Variants in GAS6 observed in about 807,000 individuals in gnomAD.
GAS6 encodes the protein growth arrest specific 6.
Under a neutral mutation model 75.8 loss-of-function variants are expected in GAS6, and 41 were observed. The ratio of observed to expected loss-of-function variants is 0.54; its 90% CI spans 0.42 to 0.70. The LOEUF (loss-of-function observed/expected upper bound fraction) is 0.70. GAS6 is among the 30% of genes least tolerant of loss of function. The pLI, the probability that GAS6 is intolerant of heterozygous loss-of-function variation, is 0.00. For synonymous variants in GAS6, 432 were observed against 412.6 expected, an observed-to-expected ratio of 1.05 and a Z score of -0.57; for missense variants, 854 against 940.2, an observed-to-expected ratio of 0.91 and a Z score of 1.20.
At chr13:113,850,437 G>A (rs991795656) in intron 2 of GAS6, among the ~76,000 whole-genome samples, 16 of 152,202 alleles carry the variant, frequency 1.1e-4, no homozygotes, top group African/African-American at 3.6e-4. Flanking sequence ...GGGGTTAGGT[G>A]AGGGCAACAG....
chr13:113,864,073 G>T lies in GAS6; in HGVS notation c.-153C>A. On this transcript the variant is annotated 5_prime_UTR_variant, in exon 1 of 15. Transcript: ENST00000327773. ...GCGGCTGCGGCACCTCAAGCGCTCG[G>T]TCTGGGCGTGTTCGGGCGGCTGCGC... is the stretch of plus-strand genomic sequence containing the variant. 8 of 792,250 alleles carry T rather than the reference G, an allele frequency of 1.0e-5. No homozygotes were observed. The highest frequency in any genetic ancestry group is 1.1e-5 in the Non-Finnish European group (7 of 651,578). 49.1% of individuals were successfully genotyped at this position (792,250 alleles called of 1,614,324 possible).
intron 3 of GAS6, 84 bp from the exon 4 acceptor site, chr13:113,846,673 G>C: frequency 8.7e-7 from 1 of 1,145,360 alleles, no homozygotes; most frequent in Non-Finnish European, 1.3e-6. Context: ...ACGCTCTGGA[G>C]AGGCAGTTAC....
Position 113,834,655 on chromosome 13 carries a change from G to A in GAS6, c.730C>T (p.Gln244Ter). The A allele has an allele frequency of 1.3e-6, 2 of 1,590,082 alleles. No homozygotes were observed. The highest frequency in any genetic ancestry group is 1.7e-6 in the Non-Finnish European group (2 of 1,167,224). Reference sequence around the variant, plus strand: ...ACGCAGACCTGCTCACAGCGGCCCTGCAGACACTCGTCCACATCTGCCAGC... The same window carrying A: ...ACGCAGACCTGCTCACAGCGGCCCTACAGACACTCGTCCACATCTGCCAGC... ...KACRDVDECL[Q>*]GRCEQVCVNS... Residue 244 changes from glutamine (Q) to a stop codon, truncating the protein, a stop_gained, in exon 8 of 15, where the codon CAG (glutamine) becomes TAG (stop). Coordinates refer to ENST00000327773, the MANE Select transcript of GAS6 (RefSeq NM_000820.4). LOFTEE classifies it high-confidence loss of function.
At chr13:113,846,781 A>G (rs58227425) in intron 3 of GAS6, among the ~76,000 whole-genome samples, 192 bp from the exon 4 acceptor site, 4,654 of 152,056 alleles carry the variant, frequency 0.031, 255 homozygotes, top group African/African-American at 0.11. Context: ...ACAGGAAACC[A>G]CCTCCACCAA....
intron 12 of GAS6, among the ~76,000 whole-genome samples, chr13:113,826,461 C>CTGGCCT (rs1555305131): frequency 9.3e-6 from 1 of 107,084 alleles, no homozygotes; most frequent in Non-Finnish European, 2.0e-5. Context: ...CCTCCCGGCG[C>CTGGCCT]CGGCCTCGCA....
At position 113,822,200 on chromosome 13, in the gene GAS6, AGGTGT is replaced by A; in HGVS notation, c.1654-19_1654-15del. On this transcript the variant is annotated splice_polypyrimidine_tract_variant and intron_variant, in intron 13 of 14. Coordinates refer to ENST00000327773, the MANE Select transcript of GAS6 (RefSeq NM_000820.4). Reference sequence around the variant, plus strand: ...CAGGACCACCAGCTGCAGGAGACCGAGGTGTGGTCAGGGCCTGCCGGCCACCCCTA... The same window carrying A: ...CAGGACCACCAGCTGCAGGAGACCGAGGTCAGGGCCTGCCGGCCACCCCTA... 6.6e-7 allele frequency: 1 copy of A among 1,513,150 alleles called. No homozygotes were observed. 93.7% of individuals were successfully genotyped at this position (1,513,150 alleles called of 1,614,324 possible).
At chr13:113,841,050 C>T (rs2051769602) in intron 4 of GAS6, 1 of 152,526 alleles carries the variant, frequency 6.6e-6, no homozygotes, top group African/African-American at 2.4e-5. Flanking sequence ...CGTGTCGCTT[C>T]TGTTCCTGAG....
Position 113,828,600 on chromosome 13 carries a change from G to C in GAS6, c.1255C>G (p.Leu419Val), listed in dbSNP as rs149411733. The C allele has an allele frequency of 1.2e-5, 19 of 1,613,506 alleles. No individual in the cohort carries two copies. The highest frequency in any genetic ancestry group is 1.4e-5 in the Non-Finnish European group (17 of 1,180,008). Reference sequence around the variant, plus strand: ...GGAATACCTCCCACGGTCAGGTTCAGATGATACAGTCCTCGCTCCGGTTGG... The same window carrying C: ...GGAATACCTCCCACGGTCAGGTTCACATGATACAGTCCTCGCTCCGGTTGG... ...LFQPERGLYH[L>V]NLTVGGIPFH... Residue 419 changes from leucine (L) to valine (V), a missense_variant, in exon 11 of 15, where the codon CTG becomes GTG. Transcript: ENST00000327773.
rs974410671 is a variant in GAS6, at chr13:113,845,413, G to A, written c.343+1114C>T. On this transcript the variant is annotated intron_variant, in intron 4 of 14. Transcript: ENST00000327773. This position sits in a 1 kb window ranked among gnomAD's most constrained non-coding sequence, Gnocchi z 4.3. The stretch of plus-strand genomic sequence containing the variant: ...CACGCCTCTGCTCTCAGCGCCCACA[G>A]GGACTCACCAAGCTGGACTTTCATC... The A allele has an allele frequency of 2.0e-5, 3 of 150,206 alleles. No individual in the cohort carries two copies. Among genetic ancestry groups the A allele is most frequent in the Admixed American group, 2.0e-4 (3 of 15,192 alleles). 9.3% of individuals were successfully genotyped at this position (150,206 alleles called of 1,614,324 possible).
At position 113,820,924 on chromosome 13, in the gene GAS6, C is replaced by G. The variant is rs754684052; in HGVS notation, c.1977G>C (p.Ala659=). Residue 659 remains alanine, a synonymous_variant, in exon 15 of 15, where the codon GCG becomes GCC. Transcript: ENST00000327773. The part of the protein sequence containing the change: ...NRRLLDLDEA[A]YKHSDITAHS... ...GGGCCGTGATGTCGCTGTGCTTGTACGCCGCCTCGTCCAGGTCCAGCAGCC... is the reference window on the plus strand; with the variant it reads ...GGGCCGTGATGTCGCTGTGCTTGTAGGCCGCCTCGTCCAGGTCCAGCAGCC... 6.2e-7 allele frequency: 1 copy of G among 1,612,272 alleles called. No homozygotes were observed. The highest frequency in any genetic ancestry group is 8.5e-7 in the Non-Finnish European group (1 of 1,179,908).
chr13:113,847,946 AG>A, intron 3 of GAS6, 79 bp downstream of exon 3: 1 of 1,267,522 alleles, frequency 7.9e-7, no homozygotes, highest in South Asian at 1.2e-5. Flanking sequence ...TTACGTGGTG[AG>A]GAGATTCCTC....
At chr13:113,860,196 C>T (rs1010127068) in intron 2 of GAS6, among the ~76,000 whole-genome samples, 3 of 152,160 alleles carry the variant, frequency 2.0e-5, no homozygotes, top group Non-Finnish European at 2.9e-5. Flanking sequence ...AACCTGGCCT[C>T]GGAGCACAGG....
chr13:113,839,580 C>A (rs935507860), intron 5 of GAS6, 148 bp downstream of exon 5: 1 of 997,356 alleles, frequency 1.0e-6, no homozygotes, highest in Admixed American at 2.8e-5. Flanking sequence ...TCTCCTGGGG[C>A]TCCAGGATAC....
rs999092764 is a variant in GAS6, at chr13:113,864,068, G to T, written c.-148C>A. ...CGGCGGCGGCTGCGGCACCTCAAGC[G>T]CTCGGTCTGGGCGTGTTCGGGCGGC... is the stretch of plus-strand genomic sequence containing the variant. On this transcript the variant is annotated 5_prime_UTR_variant, in exon 1 of 15. Coordinates refer to ENST00000327773, the MANE Select transcript of GAS6 (RefSeq NM_000820.4). 1.3e-5 allele frequency: 11 copies of T among 834,788 alleles called. No homozygotes were observed. The African/African-American group carries it at 2.0e-4, about 16-fold the overall frequency. 51.7% of individuals were successfully genotyped at this position (834,788 alleles called of 1,614,324 possible).
At chr13:113,862,921 GT>G (rs1488280583) in intron 2 of GAS6, among the ~76,000 whole-genome samples, 44 of 152,258 alleles carry the variant, frequency 2.9e-4, no homozygotes, top group Non-Finnish European at 5.9e-4. Flanking sequence ...TGGCCAGGCC[GT>G]CCTCACACGG....
Position 113,830,283 on chromosome 13 carries a change from C to A in GAS6, c.1144-1572G>T, listed in dbSNP as rs76647610. Among the ~76,000 whole-genome samples the A allele has an allele frequency of 7.0e-4, 107 of 152,094 alleles. No homozygotes were observed. In the East Asian group the frequency reaches 0.015, roughly 21 times the overall value. On this transcript the variant is annotated intron_variant, in intron 10 of 14. Transcript: ENST00000327773. ...TTGGGGAGGGGTCCTCATGAGGTAC[C>A]CCTGCTGGGGAAGGGCCTGTCTTGG...
At chr13:113,850,918 G>C (rs1191949316) in intron 2 of GAS6, among the ~76,000 whole-genome samples, 2 of 152,164 alleles carry the variant, frequency 1.3e-5, no homozygotes, top group Admixed American at 1.3e-4. Flanking sequence ...GGATAGATTA[G>C]TGAGTAGGAT....
Position 113,864,065 on chromosome 13 carries a change from A to T in GAS6, c.-145T>A. 2 of 854,178 alleles carry T rather than the reference A, an allele frequency of 2.3e-6. No individual in the cohort carries two copies. Among genetic ancestry groups the T allele is most frequent in the Non-Finnish European group, 2.8e-6 (2 of 708,064 alleles). 52.9% of individuals were successfully genotyped at this position (854,178 alleles called of 1,614,324 possible). A position where few individuals can be genotyped will look rare whatever the true frequency, so the allele number is the denominator to read the frequency against. On this transcript the variant is annotated 5_prime_UTR_variant, in exon 1 of 15. In the 5' UTR this introduces an upstream ATG that the reference lacks. Coordinates refer to ENST00000327773, the MANE Select transcript of GAS6 (RefSeq NM_000820.4). ...CGGCGGCGGCGGCTGCGGCACCTCA[A>T]GCGCTCGGTCTGGGCGTGTTCGGGC...
chr13:113,850,828 AGATGGATAGATG>A (rs1298992326), intron 2 of GAS6, among the ~76,000 whole-genome samples: 23 of 150,938 alleles, frequency 1.5e-4, no homozygotes, highest in African/African-American at 5.1e-4. Flanking sequence ...ATGGATTGAT[AGATGGATAGATG>A]GATGGATAGA....
Sources: allele counts gnomAD v4.1 joint callset (sites outside exome capture counted in the v4.1 genomes callset), GRCh38; gene constraint gnomAD v4.1.1; non-coding constraint Gnocchi (gnomAD v3.1); transcripts MANE v1.5; gene names NCBI Gene and HGNC (gene_info 2026-07-23, HGNC 2026-07-21).